NEGR1: variants seen among roughly 807,000 people sequenced by gnomAD.
NEGR1 encodes the protein neuronal growth regulator 1, also known as IgLON family member 4.
NEGR1 carries 10 observed loss-of-function variants against 40.9 expected under a neutral mutation model. That is an observed-to-expected ratio of 0.24 (90% CI 0.15 to 0.42). The LOEUF is 0.42. Among genes scored for constraint, NEGR1 ranks in the 10% least tolerant of loss-of-function variants. The pLI, the probability that NEGR1 is intolerant of heterozygous loss-of-function variation, is 1.00. For synonymous variants in NEGR1, 185 were observed against 166.8 expected (o/e 1.11, Z -0.84); for missense variants, 352 against 438.9 (o/e 0.80, Z 1.77).
chr1:71,636,021 G>A (rs376245776), intron 4 of NEGR1, among the ~76,000 whole-genome samples: 8 of 152,112 alleles, frequency 5.3e-5, no homozygotes, highest in Admixed American at 2.0e-4. Flanking sequence ...TTTTAAAAGT[G>A]CTTTAATCTT....
intron 2 of NEGR1, among the ~76,000 whole-genome samples, chr1:71,856,914 G>A (rs201526922): frequency 1.4e-4 from 21 of 152,052 alleles, no homozygotes; most frequent in South Asian, 4.1e-4. Flanking sequence ...TTCATGTATC[G>A]TATTTATGTT....
chr1:71,483,900 C>T (rs1351427151), intron 6 of NEGR1, among the ~76,000 whole-genome samples: 1 of 151,694 alleles, frequency 6.6e-6, no homozygotes, highest in Non-Finnish European at 1.5e-5. Context: ...TTTAAAATGT[C>T]ATTTTCACTG....
At chr1:71,837,804 A>G (rs1051516856) in intron 2 of NEGR1, among the ~76,000 whole-genome samples, 1 of 152,144 alleles carries the variant, frequency 6.6e-6, no homozygotes, top group Non-Finnish European at 1.5e-5. Flanking sequence ...AGCTATTGTT[A>G]ATCACTCACA....
At chr1:71,934,023 CAA>C (rs1268872905) in intron 2 of NEGR1, among the ~76,000 whole-genome samples, 1 of 152,026 alleles carries the variant, frequency 6.6e-6, no homozygotes, top group Admixed American at 6.6e-5. Context: ...AGGGTAAACT[CAA>C]AGAGAGTACA....
intron 6 of NEGR1, among the ~76,000 whole-genome samples, chr1:71,592,530 A>G (rs1649535156): frequency 6.6e-6 from 1 of 152,216 alleles, no homozygotes; most frequent in African/African-American, 2.4e-5. Context: ...GACTTCAGCC[A>G]AAAGACACTT....
intron 1 of NEGR1, among the ~76,000 whole-genome samples, chr1:72,014,792 A>C (rs1646694194): frequency 6.6e-6 from 1 of 152,060 alleles, no homozygotes; most frequent in South Asian, 2.1e-4. Context: ...TCTCCTCATT[A>C]AACCAGAAAT....
chr1:71,564,367 G>A (rs1221132474), intron 6 of NEGR1, among the ~76,000 whole-genome samples: 4 of 152,060 alleles, frequency 2.6e-5, no homozygotes, highest in African/African-American at 9.7e-5. Context: ...CATATGTTAA[G>A]TAGTGGATTA....
intron 2 of NEGR1, among the ~76,000 whole-genome samples, chr1:71,832,978 A>G (rs1458134065): frequency 6.6e-6 from 1 of 152,048 alleles, no homozygotes; most frequent in Non-Finnish European, 1.5e-5. Flanking sequence ...GGAAAGAATC[A>G]GTTATCTGTG....
intron 1 of NEGR1, among the ~76,000 whole-genome samples, chr1:71,958,594 A>G (rs1369577772): frequency 2.0e-5 from 3 of 152,112 alleles, no homozygotes; most frequent in Admixed American, 2.0e-4. Flanking sequence ...ATGGTCACCA[A>G]CTCCTGGAAT....
intron 1 of NEGR1, among the ~76,000 whole-genome samples, chr1:72,104,045 T>A (rs1221765112): frequency 1.3e-5 from 2 of 152,040 alleles, no homozygotes; most frequent in African/African-American, 4.8e-5. Flanking sequence ...TTTGGTTCCT[T>A]CCTTCCTATA....
intron 4 of NEGR1, among the ~76,000 whole-genome samples, chr1:71,636,393 T>C (rs568975634): frequency 5.3e-5 from 8 of 152,214 alleles, no homozygotes; most frequent in Admixed American, 3.3e-4. Flanking sequence ...TTATTTTTTA[T>C]CACAAAATGG....
chr1:71,901,676 T>G (rs1309014897), intron 2 of NEGR1, among the ~76,000 whole-genome samples: 1 of 147,396 alleles, frequency 6.8e-6, no homozygotes, highest in African/African-American at 2.5e-5. Flanking sequence ...ATTTTTTTTT[T>G]TTTTTTTTTT....
chr1:71,572,108 C>T (rs964953072), intron 6 of NEGR1, among the ~76,000 whole-genome samples: 2 of 152,072 alleles, frequency 1.3e-5, no homozygotes, highest in Non-Finnish European at 2.9e-5. Flanking sequence ...TGGGTTTAAA[C>T]GGGCTTTATT....
At chr1:72,188,015 C>T (rs1570098077) in intron 1 of NEGR1, among the ~76,000 whole-genome samples, 1 of 151,402 alleles carries the variant, frequency 6.6e-6, no homozygotes, top group African/African-American at 2.4e-5. Context: ...GTTTAATACT[C>T]TCACCCATAT....
chr1:71,582,126 A>T (rs1570062505), intron 6 of NEGR1, among the ~76,000 whole-genome samples: 1 of 152,186 alleles, frequency 6.6e-6, no homozygotes, highest in East Asian at 1.9e-4. Context: ...TGCAAGGTAT[A>T]CAATTGATTT....
chr1:71,519,612 G>T (rs1373385578), intron 6 of NEGR1, among the ~76,000 whole-genome samples: 2 of 120,894 alleles, frequency 1.7e-5, no homozygotes, highest in Admixed American at 8.6e-5. Flanking sequence ...ATAGCATTGG[G>T]AGATATACCT....
At chr1:71,432,608 C>T (rs996845088) in intron 6 of NEGR1, among the ~76,000 whole-genome samples, 17 of 152,228 alleles carry the variant, frequency 1.1e-4, no homozygotes, top group Admixed American at 2.0e-4. Flanking sequence ...ACTAAAGGAA[C>T]GAAGGCTAAA....
At chr1:71,600,932 T>G (rs1649897362) in intron 5 of NEGR1, among the ~76,000 whole-genome samples, 1 of 152,232 alleles carries the variant, frequency 6.6e-6, no homozygotes, top group Non-Finnish European at 1.5e-5. Context: ...CAAACCGAAC[T>G]GAGCGTGGTC....
At chr1:71,757,731 G>T (rs1372431269) in intron 3 of NEGR1, among the ~76,000 whole-genome samples, 1 of 151,942 alleles carries the variant, frequency 6.6e-6, no homozygotes, top group Admixed American at 6.6e-5. Flanking sequence ...TCTGGTGATT[G>T]CCCAGTAAAC....
Sources: gnomAD v4.1 joint callset for allele counts (sites outside exome capture counted in the v4.1 genomes callset) on GRCh38, gnomAD v4.1.1 for gene constraint, MANE v1.5 for transcripts, NCBI Gene and HGNC (gene_info 2026-07-23, HGNC 2026-07-21) for gene names.